The following PARM1 variants were observed in gnomAD, a reference collection of about 807,000 sequenced individuals.
PARM1 encodes the protein WSC4, cell wall integrity and stress response component 4 homolog.
Under a neutral mutation model 24.6 loss-of-function variants are expected in PARM1, and 14 were observed. The ratio of observed to expected loss-of-function variants is 0.57; its 90% CI spans 0.38 to 0.89. The LOEUF is 0.89. Among genes scored for constraint, PARM1 ranks in the 40% least tolerant of loss-of-function variants. The pLI is 0.00. For synonymous variants in PARM1, 179 were observed against 156.6 expected (o/e 1.14, Z -1.07); for missense variants, 362 against 380.4 (o/e 0.95, Z 0.40).
rs1292740607 is a variant in PARM1 at position 74,972,065 on chromosome 4, T to C, written c.43+38695T>C. 4.6e-5 allele frequency among the ~76,000 whole-genome samples: 7 copies of C among 152,210 alleles called. No homozygotes were observed. The South Asian group carries it at 6.2e-4, about 14-fold the overall frequency. ...AAGTCTGCAAAGATGAGCAAGGATATTGACAACATGCACGCCCTGTCTCTG... is the reference window on the plus strand; with the variant it reads ...AAGTCTGCAAAGATGAGCAAGGATACTGACAACATGCACGCCCTGTCTCTG... On this transcript the variant is annotated intron_variant, in intron 1 of 3. Coordinates refer to ENST00000307428, the MANE Select transcript of PARM1 (RefSeq NM_015393.4).
chr4:74,994,147 T>A (rs1039449742), intron 1 of PARM1: 16 of 152,112 alleles, frequency 1.1e-4, no homozygotes, highest in Admixed American at 9.2e-4. Flanking sequence ...GAAAGAACAT[T>A]GAGCAAAGAA....
chr4:74,987,370 AG>A (rs1422334533), intron 1 of PARM1, among the ~76,000 whole-genome samples: 1 of 152,138 alleles, frequency 6.6e-6, no homozygotes, highest in Non-Finnish European at 1.5e-5. Flanking sequence ...GAACTTCCAT[AG>A]TACTTTTGAA....
chr4:74,992,781 T>A (rs1316207491), intron 1 of PARM1, among the ~76,000 whole-genome samples: 2 of 152,148 alleles, frequency 1.3e-5, no homozygotes, highest in African/African-American at 4.8e-5. Flanking sequence ...AGGCAAAGTC[T>A]CTTTCAGACA....
intron 1 of PARM1, among the ~76,000 whole-genome samples, chr4:74,958,518 G>A (rs774548680): frequency 5.9e-5 from 9 of 152,152 alleles, no homozygotes; most frequent in African/African-American, 1.9e-4. Flanking sequence ...AAAAGCTGGG[G>A]GTAGAGGAGT....
At chr4:74,977,257 G>C (rs1472997689) in intron 1 of PARM1, among the ~76,000 whole-genome samples, 1 of 152,114 alleles carries the variant, frequency 6.6e-6, no homozygotes, top group Non-Finnish European at 1.5e-5. Context: ...AGTTTAGAGA[G>C]GAACATAAAT....
chr4:74,985,926 G>A (rs763868388), intron 1 of PARM1, among the ~76,000 whole-genome samples: 6 of 152,032 alleles, frequency 3.9e-5, no homozygotes, highest in East Asian at 1.9e-4. Context: ...GTGCCACCAC[G>A]CCCGGCTAAT....
chr4:74,999,041 C>T (rs1722629823), intron 1 of PARM1: 1 of 152,212 alleles, frequency 6.6e-6, no homozygotes, highest in Admixed American at 6.5e-5. Flanking sequence ...GGTACTGGGT[C>T]TCATAGACGA....
chr4:75,023,019 G>A (rs1347193284), intron 2 of PARM1, among the ~76,000 whole-genome samples: 2 of 152,134 alleles, frequency 1.3e-5, no homozygotes, highest in South Asian at 2.1e-4. Context: ...TGCTTTTATT[G>A]TCAGACTCAT....
chr4:74,956,677 T>C (rs1457161889), intron 1 of PARM1: 1 of 152,190 alleles, frequency 6.6e-6, no homozygotes, highest in African/African-American at 2.4e-5. Context: ...AGGCTATTGG[T>C]GTTCCCTATG....
Position 75,019,722 on chromosome 4 carries a change from G to A in PARM1, c.769+6572G>A, listed in dbSNP as rs549313991. ...TTTAAAAGTATACCTAGAAAATTTC[G>A]CCCGGGCGCGGTGGCTCACGCCTGT... is the stretch of plus-strand genomic sequence containing the variant. On this transcript the variant is annotated intron_variant, in intron 2 of 3. Transcript: ENST00000307428. Among the ~76,000 whole-genome samples, 22 of 152,156 alleles carry A rather than the reference G, an allele frequency of 1.4e-4. No homozygotes were observed. The East Asian group carries it at 1.9e-3, about 13-fold the overall frequency.
intron 1 of PARM1, among the ~76,000 whole-genome samples, chr4:74,949,925 G>A (rs2109984206): frequency 6.8e-6 from 1 of 147,276 alleles, no homozygotes; most frequent in South Asian, 2.2e-4. Context: ...TGGTTTTTAT[G>A]TCACCAAAAA....
In PARM1 at chr4:75,001,329, G is replaced by C. The variant is rs943822553; in HGVS notation, c.44-11096G>C. Among the ~76,000 whole-genome samples, 5 of 152,292 alleles carry C rather than the reference G, an allele frequency of 3.3e-5. No individual in the cohort carries two copies. The East Asian group carries it at 9.6e-4, about 29-fold the overall frequency. On this transcript the variant is annotated intron_variant, in intron 1 of 3. Coordinates refer to ENST00000307428, the MANE Select transcript of PARM1 (RefSeq NM_015393.4). ...AGTTAGTAATACACATAGCAACAGA[G>C]GTGAGTCTCACAGTGAGTGAAAGAA...
intron 1 of PARM1, among the ~76,000 whole-genome samples, chr4:75,000,653 C>T (rs1038467965): frequency 1.3e-5 from 2 of 152,190 alleles, no homozygotes; most frequent in Non-Finnish European, 2.9e-5. Context: ...CCATCAATCT[C>T]ATTTCACAGA....
At chr4:75,006,247 C>T (rs1047048288) in intron 1 of PARM1, among the ~76,000 whole-genome samples, 3 of 151,872 alleles carry the variant, frequency 2.0e-5, no homozygotes, top group African/African-American at 7.3e-5. Flanking sequence ...CACCCATTAA[C>T]TTGTCATTTA....
At chr4:75,026,690 C>T (rs1164307489) in intron 2 of PARM1, among the ~76,000 whole-genome samples, 1 of 152,152 alleles carries the variant, frequency 6.6e-6, no homozygotes, top group Non-Finnish European at 1.5e-5. Flanking sequence ...TTTACATGAT[C>T]TCCTTAATTT....
intron 2 of PARM1, among the ~76,000 whole-genome samples, chr4:75,022,087 G>A (rs1723098359): frequency 6.6e-6 from 1 of 152,218 alleles, no homozygotes; most frequent in Non-Finnish European, 1.5e-5. Flanking sequence ...CAGTGTATAA[G>A]CATTCCCTTT....
chr4:74,979,407 C>G (rs935901388), intron 1 of PARM1, among the ~76,000 whole-genome samples: 4 of 152,050 alleles, frequency 2.6e-5, no homozygotes, highest in Non-Finnish European at 4.4e-5. Flanking sequence ...CCAGACTGAG[C>G]CAGAAAGAAG....
At chr4:74,967,469 T>TGG (rs1220730411) in intron 1 of PARM1, 2 of 152,208 alleles carry the variant, frequency 1.3e-5, no homozygotes, top group Non-Finnish European at 2.9e-5. Context: ...TAGAGTTGTG[T>TGG]CTGCAGAGAG....
chr4:75,008,996 A>C (rs1301178609), intron 1 of PARM1, among the ~76,000 whole-genome samples: 1 of 152,078 alleles, frequency 6.6e-6, no homozygotes, highest in Non-Finnish European at 1.5e-5. Flanking sequence ...GTAAGCTCCA[A>C]AGGTCATAGA....
Sources: gnomAD v4.1 joint callset for allele counts (sites outside exome capture counted in the v4.1 genomes callset) on GRCh38, gnomAD v4.1.1 for gene constraint, MANE v1.5 for transcripts, NCBI Gene and HGNC (gene_info 2026-07-23, HGNC 2026-07-21) for gene names.